WIPF3: variants seen among roughly 807,000 people sequenced by gnomAD.
The protein encoded by WIPF3 is WAS/WASL interacting protein family member 3.
In WIPF3, 33 loss-of-function variants were observed where a neutral mutation model predicts 38.9. That is an observed-to-expected ratio of 0.85 (90% CI 0.64 to 1.14). WIPF3 has a LOEUF of 1.14. Ranked by LOEUF, WIPF3 falls within the 50% of genes most tolerant of loss-of-function variation. WIPF3 has a pLI of 0.00. For missense variants in WIPF3, 711 were observed against 652.5 expected, an observed-to-expected ratio of 1.09 and a Z score of -0.98; for synonymous variants, 324 against 269.3, an observed-to-expected ratio of 1.20 and a Z score of -1.99.
chr7:29,834,360 A>G (rs1177979548), intron 1 of WIPF3, among the ~76,000 whole-genome samples: 1 of 152,036 alleles, frequency 6.6e-6, no homozygotes, highest in Non-Finnish European at 1.5e-5. Context: ...TTATTATGGA[A>G]TGAAGGATTG....
chr7:29,889,399 T>TC lies in WIPF3; in HGVS notation c.1347dup (p.Arg450GlnfsTer19). 1.2e-6 allele frequency: 2 copies of TC among 1,613,582 alleles called. No individual in the cohort carries two copies. The highest frequency in any genetic ancestry group is 2.7e-5 in the African/African-American group (2 of 74,992). ...TGCCAGAAGATTTACCCCAGCAAGA[T>TC]CCCCAGAAGTAAGTACCACCTTGAT... is the stretch of plus-strand genomic sequence containing the variant. On this transcript the variant is annotated frameshift_variant, in exon 7 of 9. Transcript: ENST00000242140. LOFTEE classifies it high-confidence loss of function.
chr7:29,874,959 G>T (rs73686265), intron 2 of WIPF3, among the ~76,000 whole-genome samples: 1 of 152,302 alleles, frequency 6.6e-6, no homozygotes, highest in East Asian at 1.9e-4. Flanking sequence ...GGATTCAGCT[G>T]ATCTGGGTTT....
At chr7:29,836,262 G>T (rs1315907099) in intron 2 of WIPF3, among the ~76,000 whole-genome samples, 1 of 152,198 alleles carries the variant, frequency 6.6e-6, no homozygotes, top group Non-Finnish European at 1.5e-5. Flanking sequence ...TATGGATCTT[G>T]CAAGCACTGA....
intron 6 of WIPF3, 147 bp from the exon 7 acceptor site, chr7:29,889,159 A>G: frequency 1.5e-6 from 1 of 654,492 alleles, no homozygotes; most frequent in Non-Finnish European, 2.7e-6. Context: ...TCTTAGGGAG[A>G]ATGGCCCTGT....
intron 2 of WIPF3, among the ~76,000 whole-genome samples, chr7:29,841,754 G>T (rs1410632193): frequency 6.6e-6 from 1 of 152,168 alleles, no homozygotes; most frequent in African/African-American, 2.4e-5. Context: ...GGAGGTTGCA[G>T]TGAACCAAGA....
In WIPF3 at chr7:29,915,274, C is replaced by T. The variant is rs76905570; in HGVS notation, c.*758C>T. The T allele has an allele frequency of 0.024, 3,606 of 152,182 alleles. 55 individuals are homozygous for T. The highest frequency in any genetic ancestry group is 0.075 in the Middle Eastern group (22 of 294). The allele number at this position is 152,182 out of a possible 1,614,324, so 9.4% of individuals were successfully genotyped here. A position where few individuals can be genotyped will look rare whatever the true frequency, so the allele number is the denominator to read the frequency against. ...TCTGTCACTTTCATCCTGTTCCCTC[C>T]AAGTTCCCAGTCCCATCCCAGTAGC... On this transcript the variant is annotated 3_prime_UTR_variant, in exon 9 of 9. Coordinates refer to ENST00000242140, the MANE Select transcript of WIPF3 (RefSeq NM_001080529.3).
At chr7:29,811,363 T>G (rs1261827513) in intron 1 of WIPF3, among the ~76,000 whole-genome samples, 2 of 151,998 alleles carry the variant, frequency 1.3e-5, no homozygotes, top group African/African-American at 4.8e-5. Flanking sequence ...TTTACAAAAA[T>G]AGCAAACAAC....
Position 29,844,329 on chromosome 7 carries a change from T to C in WIPF3, c.90+9515T>C, listed in dbSNP as rs191620257. Among the ~76,000 whole-genome samples the C allele has an allele frequency of 6.6e-6, 1 of 152,366 alleles. No individual in the cohort carries two copies. The highest frequency in any genetic ancestry group is 2.4e-5 in the African/African-American group (1 of 41,600). On this transcript the variant is annotated intron_variant, in intron 2 of 8. Transcript: ENST00000242140. This position sits in a 1 kb window ranked among gnomAD's most constrained non-coding sequence, Gnocchi z 4.8. ...AAAGGAATGAATTATCACTTACCCATTGGCTGAGTTGGATCCTGTAACAAT... is the reference window on the plus strand; with the variant it reads ...AAAGGAATGAATTATCACTTACCCACTGGCTGAGTTGGATCCTGTAACAAT...
At chr7:29,853,489 A>C (rs1003082889) in intron 2 of WIPF3, among the ~76,000 whole-genome samples, 2 of 152,172 alleles carry the variant, frequency 1.3e-5, no homozygotes, top group African/African-American at 4.8e-5. Context: ...CCCCTCCACC[A>C]CAGTGCATCC....
chr7:29,838,925 A>G (rs1784868857), intron 2 of WIPF3, among the ~76,000 whole-genome samples: 1 of 152,246 alleles, frequency 6.6e-6, no homozygotes, highest in Non-Finnish European at 1.5e-5. Flanking sequence ...GTGGAGGAAT[A>G]GCCACGTGAC....
At chr7:29,905,004 A>G (rs1786363672) in intron 8 of WIPF3, 1 of 152,304 alleles carries the variant, frequency 6.6e-6, no homozygotes, top group South Asian at 2.1e-4. Context: ...TTCTTTGAAA[A>G]CATGTATTCA....
intron 7 of WIPF3, among the ~76,000 whole-genome samples, chr7:29,902,274 C>CTTTTTTTTTT (rs11407234): frequency 1.7e-4 from 18 of 104,060 alleles, no homozygotes; most frequent in South Asian, 3.4e-4. Flanking sequence ...TCTTCTTCTT[C>CTTTTTTTTTT]TTTTTTTTTT....
chr7:29,847,534 G>A (rs1476452345), intron 2 of WIPF3, among the ~76,000 whole-genome samples: 4 of 152,198 alleles, frequency 2.6e-5, no homozygotes, highest in Non-Finnish European at 4.4e-5. Context: ...TGTTTAGGTT[G>A]AACAGAGTAT....
At chr7:29,877,596 A>G (rs1409030415) in intron 3 of WIPF3, among the ~76,000 whole-genome samples, 1 of 152,246 alleles carries the variant, frequency 6.6e-6, no homozygotes, top group African/African-American at 2.4e-5. Flanking sequence ...TATTGGTAGC[A>G]TAGAAATTCA....
chr7:29,893,839 C>A (rs547993614), intron 7 of WIPF3, among the ~76,000 whole-genome samples: 2 of 152,118 alleles, frequency 1.3e-5, no homozygotes, highest in Non-Finnish European at 2.9e-5. Flanking sequence ...TTCCCTTACA[C>A]CCACCTGGCC....
chr7:29,883,993 C>A lies in WIPF3; in HGVS notation c.499C>A (p.Pro167Thr). ...EAHGAARTAPPRPNVPAPPPP... is the reference protein window; with the variant it reads ...EAHGAARTAPTRPNVPAPPPP... ...GCATGGCGCTGCCAGGACAGCCCCG[C>A]CTCGCCCCAACGTGCCTGCCCCGCC... Residue 167 changes from proline to threonine, a missense_variant, in exon 5 of 9, where the codon CCT becomes ACT. Physicochemically the swap from Pro to Thr is conservative, Grantham distance 38. Coordinates refer to ENST00000242140, the MANE Select transcript of WIPF3 (RefSeq NM_001080529.3). 1 of 1,534,474 alleles carries A rather than the reference C, an allele frequency of 6.5e-7. No individual in the cohort carries two copies. Among genetic ancestry groups the A allele is most frequent in the Non-Finnish European group, 8.8e-7 (1 of 1,139,002 alleles).
chr7:29,885,063 T>C (rs978174964), intron 5 of WIPF3, among the ~76,000 whole-genome samples: 4 of 152,224 alleles, frequency 2.6e-5, no homozygotes, highest in African/African-American at 9.6e-5. Context: ...CGCGTTTTCC[T>C]ATCTGGATCC....
At chr7:29,897,090 G>GT (rs1282362781) in intron 7 of WIPF3, among the ~76,000 whole-genome samples, 11 of 152,232 alleles carry the variant, frequency 7.2e-5, no homozygotes, top group Non-Finnish European at 1.5e-4. Flanking sequence ...TATAGCATTA[G>GT]TTTTTTTAAG....
chr7:29,810,089 G>C (rs1026311200), intron 1 of WIPF3, among the ~76,000 whole-genome samples: 1 of 152,196 alleles, frequency 6.6e-6, no homozygotes, highest in Non-Finnish European at 1.5e-5. Context: ...GCCATCCACT[G>C]TTCCTTAAGA....
Sources: allele counts gnomAD v4.1 joint callset (sites outside exome capture counted in the v4.1 genomes callset), GRCh38; gene constraint gnomAD v4.1.1; non-coding constraint Gnocchi (gnomAD v3.1); transcripts MANE v1.5; gene names NCBI Gene and HGNC (gene_info 2026-07-23, HGNC 2026-07-21).